PCDH7: variants seen among roughly 807,000 people sequenced by gnomAD.
PCDH7 encodes protocadherin-7.
PCDH7 carries 17 observed loss-of-function variants against 58.9 expected under a neutral mutation model. The ratio of observed to expected loss-of-function variants is 0.29; its 90% CI spans 0.20 to 0.43. The LOEUF (loss-of-function observed/expected upper bound fraction) is 0.43, where lower values mean the gene tolerates loss of function less well. Among genes scored for constraint, PCDH7 ranks in the 20% least tolerant of loss-of-function variants. The pLI is 1.00. For synonymous variants in PCDH7, 664 were observed against 616.4 expected, an observed-to-expected ratio of 1.08 and a Z score of -1.14; for missense variants, 1,274 against 1,441.0, an observed-to-expected ratio of 0.88 and a Z score of 1.88.
At chr4:31,145,173 C>T (rs139464968), downstream of PCDH7, 5 of 151,966 alleles carry the variant, frequency 3.3e-5, no homozygotes, top group Admixed American at 6.6e-5. Context: ...ACCGGACCTT[C>T]GGATTAATTG....
At chr4:31,048,893 T>C (rs1459491272) in intron 3 of PCDH7, among the ~76,000 whole-genome samples, 1 of 152,078 alleles carries the variant, frequency 6.6e-6, no homozygotes, top group East Asian at 1.9e-4. Flanking sequence ...AAGGACAAAT[T>C]GCCCTTTGAG....
At chr4:31,088,815 T>C (rs1042945101) in intron 3 of PCDH7, among the ~76,000 whole-genome samples, 3 of 152,090 alleles carry the variant, frequency 2.0e-5, no homozygotes, top group Non-Finnish European at 4.4e-5. Flanking sequence ...TAAAAATAAG[T>C]AACCGTAATT....
chr4:30,792,973 C>T (rs2109300094), intron 1 of PCDH7, among the ~76,000 whole-genome samples: 1 of 152,152 alleles, frequency 6.6e-6, no homozygotes, highest in African/African-American at 2.4e-5. Flanking sequence ...GCCATTTTTT[C>T]AACCCCAAAT....
intron 3 of PCDH7, among the ~76,000 whole-genome samples, chr4:31,023,028 A>ATCT (rs1754151050): frequency 6.6e-6 from 1 of 152,244 alleles, no homozygotes; most frequent in Admixed American, 6.5e-5. Flanking sequence ...GATTGCGTTC[A>ATCT]TAGGTAAAGG....
At chr4:30,774,574 CAAGA>C (rs1721825579) in intron 1 of PCDH7, among the ~76,000 whole-genome samples, 1 of 152,126 alleles carries the variant, frequency 6.6e-6, no homozygotes. Flanking sequence ...TTGCAGTGAA[CAAGA>C]AAGAGTGACC....
chr4:31,068,253 G>C (rs1758249429), intron 3 of PCDH7, among the ~76,000 whole-genome samples: 1 of 151,460 alleles, frequency 6.6e-6, no homozygotes, highest in Non-Finnish European at 1.5e-5. Flanking sequence ...GGAGTAGATG[G>C]GAAATCTCTG....
chr4:30,980,588 C>T (rs1750464483), intron 3 of PCDH7, among the ~76,000 whole-genome samples: 1 of 152,046 alleles, frequency 6.6e-6, no homozygotes, highest in East Asian at 1.9e-4. Flanking sequence ...GAGAAGAAAA[C>T]ACAAGGCTCA....
chr4:30,809,273 C>G (rs796609306), intron 1 of PCDH7, among the ~76,000 whole-genome samples: 62 of 152,240 alleles, frequency 4.1e-4, no homozygotes, highest in African/African-American at 1.4e-3. Flanking sequence ...TCGTCTTTCC[C>G]CTTCCCTCCC....
intron 3 of PCDH7, among the ~76,000 whole-genome samples, chr4:30,975,797 C>G (rs998439727): frequency 4.6e-5 from 7 of 152,130 alleles, no homozygotes; most frequent in African/African-American, 1.7e-4. Context: ...TTAAAGCTGG[C>G]CTGGTGTCAC....
At chr4:31,006,926 A>T (rs1236038141) in intron 3 of PCDH7, among the ~76,000 whole-genome samples, 1 of 101,876 alleles carries the variant, frequency 9.8e-6, no homozygotes, top group Non-Finnish European at 1.7e-5. Context: ...AAAAGAAACA[A>T]GACCTTATAG....
At chr4:31,058,815 A>G (rs749199863) in intron 3 of PCDH7, among the ~76,000 whole-genome samples, 31 of 152,070 alleles carry the variant, frequency 2.0e-4, no homozygotes, top group Admixed American at 7.2e-4. Context: ...GATTCCAGAG[A>G]CAGTCATTCG....
chr4:31,069,963 A>G (rs191215953), intron 3 of PCDH7, among the ~76,000 whole-genome samples: 12 of 152,118 alleles, frequency 7.9e-5, no homozygotes, highest in Non-Finnish European at 1.8e-4. Context: ...TTGTGCAACA[A>G]TCTTTCACAG....
intron 3 of PCDH7, among the ~76,000 whole-genome samples, chr4:31,035,900 C>T (rs1031764743): frequency 2.6e-5 from 4 of 152,042 alleles, no homozygotes; most frequent in African/African-American, 7.3e-5. Flanking sequence ...TTTATGGTAG[C>T]GATAAGGGTT....
intron 1 of PCDH7, among the ~76,000 whole-genome samples, chr4:30,818,051 G>A (rs1727914112): frequency 6.6e-6 from 1 of 152,102 alleles, no homozygotes; most frequent in Admixed American, 6.6e-5. Flanking sequence ...GCCAGGTCTA[G>A]TCCCTGTCTG....
At chr4:31,112,929 T>G (rs1716503355) in intron 3 of PCDH7, among the ~76,000 whole-genome samples, 1 of 152,184 alleles carries the variant, frequency 6.6e-6, no homozygotes, top group South Asian at 2.1e-4. Flanking sequence ...TGTCTGGGAC[T>G]GCTATTCTGA....
intron 1 of PCDH7, among the ~76,000 whole-genome samples, chr4:30,839,732 A>G (rs1730969268): frequency 6.6e-6 from 1 of 152,144 alleles, no homozygotes; most frequent in African/African-American, 2.4e-5. Flanking sequence ...AGGATCCTGG[A>G]GCAGTATTGT....
intron 1 of PCDH7, among the ~76,000 whole-genome samples, chr4:30,863,529 G>A (rs1048211675): frequency 8.6e-5 from 13 of 152,026 alleles, no homozygotes; most frequent in African/African-American, 1.2e-4. Flanking sequence ...ATTGCTTTAC[G>A]TATGTCTAAC....
chr4:30,767,466 C>A (rs1720899023), intron 1 of PCDH7, among the ~76,000 whole-genome samples: 1 of 152,128 alleles, frequency 6.6e-6, no homozygotes, highest in Non-Finnish European at 1.5e-5. Context: ...AATGAAGGGG[C>A]AACTTCACAG....
chr4:31,012,376 A>C (rs1041466509), intron 3 of PCDH7, among the ~76,000 whole-genome samples: 2 of 151,062 alleles, frequency 1.3e-5, no homozygotes, highest in African/African-American at 4.8e-5. Context: ...AATATAGAAG[A>C]TGTCTCAATT....
Sources: gnomAD v4.1 joint callset for allele counts (sites outside exome capture counted in the v4.1 genomes callset) on GRCh38, gnomAD v4.1.1 for gene constraint, MANE v1.5 for transcripts, NCBI Gene and HGNC (gene_info 2026-07-23, HGNC 2026-07-21) for gene names.